The following MSH3 variants were observed in gnomAD, a reference collection of about 807,000 sequenced individuals.
The protein encoded by MSH3 is mutS homolog 3.
MSH3 carries 106 observed loss-of-function variants against 123.3 expected under a neutral mutation model. That is an observed-to-expected ratio of 0.86 (90% CI 0.73 to 1.01). MSH3 has a LOEUF of 1.01. Ranked by LOEUF, MSH3 falls within the 50% of genes least tolerant of loss-of-function variation. The pLI is 0.00. For missense variants in MSH3, 1,459 were observed against 1,347.6 expected (o/e 1.08, Z -1.29); for synonymous variants, 515 against 481.4 (o/e 1.07, Z -0.91).
intron 2 of MSH3, among the ~76,000 whole-genome samples, chr5:80,659,106 C>T (rs1375267725): frequency 2.0e-5 from 3 of 151,896 alleles, no homozygotes; most frequent in African/African-American, 4.8e-5. Context: ...TGGTGGCGGG[C>T]GCCAGTGGTC....
At chr5:80,698,848 G>A (rs1040315737) in intron 8 of MSH3, among the ~76,000 whole-genome samples, 1 of 152,268 alleles carries the variant, frequency 6.6e-6, no homozygotes, top group African/African-American at 2.4e-5. Context: ...TATACCTAAT[G>A]TAAATGACAA....
intron 2 of MSH3, among the ~76,000 whole-genome samples, chr5:80,662,042 C>T (rs1029949241): frequency 1.3e-5 from 2 of 152,172 alleles, no homozygotes; most frequent in Admixed American, 6.5e-5. Flanking sequence ...CAGCCATATG[C>T]TACCTAATGA....
chr5:80,776,671 A>G (rs911365851), intron 16 of MSH3, among the ~76,000 whole-genome samples: 1 of 151,988 alleles, frequency 6.6e-6, no homozygotes, highest in African/African-American at 2.4e-5. Flanking sequence ...AGGGAAGTAT[A>G]TACAGCTGTG....
At chr5:80,679,484 G>A (rs899250383) in intron 8 of MSH3, among the ~76,000 whole-genome samples, 2 of 152,062 alleles carry the variant, frequency 1.3e-5, no homozygotes, top group East Asian at 3.8e-4. Context: ...ATAATTATGG[G>A]GTTTATGATA....
intron 11 of MSH3, among the ~76,000 whole-genome samples, chr5:80,743,549 G>T (rs1311380313): frequency 2.2e-5 from 3 of 136,258 alleles, no homozygotes; most frequent in African/African-American, 8.5e-5. Context: ...AAAAAGAAAG[G>T]ATTAAAAAAA....
Position 80,678,990 on chromosome 5 carries a change from G to A in MSH3, c.1237G>A (p.Glu413Lys). ...TTTCCAGGACTCTGCTTCTCGTTCA[G>A]AGCTAGAAACCCGGATGTCAAGCCT... ...DSFQDSASRS[E>K]LETRMSSLQP... The change falls in exon 8 of 24, where the codon GAG becomes AAG. Residue 413 changes from glutamate (E) to lysine (K), a missense_variant. Glu to Lys is a moderately conservative substitution (Grantham distance 56). Transcript: ENST00000265081. The A allele has an allele frequency of 6.2e-7, 1 of 1,614,166 alleles. No homozygotes were observed. Among genetic ancestry groups the A allele is most frequent in the Non-Finnish European group, 8.5e-7 (1 of 1,180,016 alleles).
At chr5:80,758,302 C>G (rs1182020784) in intron 12 of MSH3, among the ~76,000 whole-genome samples, 2 of 152,158 alleles carry the variant, frequency 1.3e-5, no homozygotes, top group Non-Finnish European at 2.9e-5. Flanking sequence ...TTTGTAGTGT[C>G]TACTACACAA....
chr5:80,764,938 A>G (rs899743902), intron 13 of MSH3, among the ~76,000 whole-genome samples: 2 of 152,084 alleles, frequency 1.3e-5, no homozygotes, highest in Non-Finnish European at 2.9e-5. Context: ...GGTCCTTCCC[A>G]TCCTGTGTCC....
chr5:80,745,748 A>G (rs970950837), intron 12 of MSH3, among the ~76,000 whole-genome samples: 1 of 152,222 alleles, frequency 6.6e-6, no homozygotes, highest in Non-Finnish European at 1.5e-5. Flanking sequence ...GTAAGGAATA[A>G]AATTTTGAGC....
At chr5:80,786,146 AATT>A (rs1744505102) in intron 17 of MSH3, among the ~76,000 whole-genome samples, 1 of 149,352 alleles carries the variant, frequency 6.7e-6, no homozygotes, top group Non-Finnish European at 1.5e-5. Context: ...GTATAATAAT[AATT>A]AATTAATTAA....
intron 13 of MSH3, among the ~76,000 whole-genome samples, chr5:80,762,813 A>T (rs1744062422): frequency 6.8e-6 from 1 of 146,236 alleles, no homozygotes; most frequent in Non-Finnish European, 1.5e-5. Flanking sequence ...ATGTTATGTT[A>T]TGTTATGTTA....
intron 17 of MSH3, 75 bp downstream of exon 17, chr5:80,778,911 A>G: frequency 1.2e-6 from 1 of 850,292 alleles, no homozygotes. Context: ...TCCATCAAAA[A>G]GAAAATAGAG....
chr5:80,733,202 C>T (rs894431716), intron 10 of MSH3, among the ~76,000 whole-genome samples: 2 of 152,060 alleles, frequency 1.3e-5, no homozygotes, highest in Non-Finnish European at 2.9e-5. Flanking sequence ...TGATTACTGA[C>T]AGGGGTGTTA....
intron 11 of MSH3, among the ~76,000 whole-genome samples, chr5:80,742,073 G>A (rs1021591676): frequency 3.3e-5 from 5 of 151,286 alleles, no homozygotes; most frequent in Admixed American, 2.6e-4. Context: ...GAAGTGATGC[G>A]ATATTGGCTC....
rs183331268 is a variant in MSH3 at position 80,833,146 on chromosome 5, T to C, written c.2813+19405T>C. On this transcript the variant is annotated intron_variant, in intron 20 of 23. Transcript: ENST00000265081. ...TAAGGGTTATAGGCGAGGAGGGGAGTAGGGGGATTAGAAAGATTAGTCAGC... is the reference window on the plus strand; with the variant it reads ...TAAGGGTTATAGGCGAGGAGGGGAGCAGGGGGATTAGAAAGATTAGTCAGC... Among the ~76,000 whole-genome samples the C allele has an allele frequency of 2.9e-3, 437 of 151,778 alleles. 3 individuals carry two copies. The highest frequency in any genetic ancestry group is 0.02 in the Middle Eastern group (6 of 294).
At chr5:80,806,891 G>T (rs1182116684) in intron 19 of MSH3, among the ~76,000 whole-genome samples, 2 of 152,072 alleles carry the variant, frequency 1.3e-5, no homozygotes, top group Admixed American at 1.3e-4. Context: ...GTCCTCACTT[G>T]ACATTATCAA....
In MSH3 at chr5:80,654,842, T is replaced by G. The variant is rs1580538013; in HGVS notation, c.115T>G (p.Ser39Ala). The G allele has an allele frequency of 2.5e-6, 4 of 1,600,336 alleles. No individual in the cohort carries two copies. Among genetic ancestry groups the G allele is most frequent in the Non-Finnish European group, 3.4e-6 (4 of 1,174,830 alleles). ...TACGGGAAGCCTGAAATCCACCTCC[T>G]CCTCCACAGGTGCAGCCGACCAGGT... ...QSTGSLKSTS[S>A]STGAADQVDP... The change falls in exon 1 of 24, where the codon TCC (serine) becomes GCC (alanine). Residue 39 changes from serine to alanine, a missense_variant. Physicochemically the swap from Ser to Ala is moderately conservative, Grantham distance 99 (BLOSUM62 1). Coordinates refer to ENST00000265081, the MANE Select transcript of MSH3 (RefSeq NM_002439.5).
intron 21 of MSH3, among the ~76,000 whole-genome samples, chr5:80,860,278 C>G (rs1296101633): frequency 6.6e-6 from 1 of 151,962 alleles, no homozygotes; most frequent in African/African-American, 2.4e-5. Flanking sequence ...AGTTTCTGAC[C>G]CCTGTCATTT....
intron 21 of MSH3, among the ~76,000 whole-genome samples, chr5:80,863,228 G>A (rs1381501451): frequency 1.3e-5 from 2 of 152,168 alleles, no homozygotes; most frequent in African/African-American, 4.8e-5. Context: ...AATATTTGAA[G>A]AGATTTATTC....
Sources: allele counts gnomAD v4.1 joint callset (sites outside exome capture counted in the v4.1 genomes callset), GRCh38; gene constraint gnomAD v4.1.1; transcripts MANE v1.5; gene names NCBI Gene and HGNC (gene_info 2026-07-23, HGNC 2026-07-21).